The following POLR2F variants were observed in gnomAD, a reference collection of about 807,000 sequenced individuals.
POLR2F encodes DNA-directed RNA polymerases I, II, and III subunit RPABC2.
In POLR2F, 12 loss-of-function variants were observed where a neutral mutation model predicts 22.7. The ratio of observed to expected loss-of-function variants is 0.53; its 90% CI spans 0.34 to 0.86. The LOEUF is 0.86. POLR2F is among the 40% of genes least tolerant of loss of function. POLR2F has a pLI of 0.02. For missense variants in POLR2F, 126 were observed against 171.5 expected, an observed-to-expected ratio of 0.73 and a Z score of 1.48; for synonymous variants, 57 against 66.0, an observed-to-expected ratio of 0.86 and a Z score of 0.66.
At chr22:38,000,423 G>A (rs953159565) in intron 1 of POLR2F, among the ~76,000 whole-genome samples, 1 of 152,228 alleles carries the variant, frequency 6.6e-6, no homozygotes, top group African/African-American at 2.4e-5. Context: ...GGCCAAGTGG[G>A]CTGGGAAAAT....
chr22:37,973,393 C>T (rs2145760109), downstream of POLR2F: 2 of 796,904 alleles, frequency 2.5e-6, no homozygotes, highest in East Asian at 5.4e-5. Context: ...TCAGCCTCCT[C>T]AGCCTCCTCC....
intron 3 of POLR2F, among the ~76,000 whole-genome samples, chr22:37,964,144 C>G (rs1601870143): frequency 6.6e-6 from 1 of 151,968 alleles, no homozygotes; most frequent in Non-Finnish European, 1.5e-5. Context: ...CCCCAGTCCT[C>G]CAGGTGTTTT....
Position 38,041,049 on chromosome 22 carries a change from TC to T in POLR2F, c.453-16del, listed in dbSNP as rs745675273. 24 of 1,612,872 alleles carry T rather than the reference TC, an allele frequency of 1.5e-5. 1 individual carries two copies. The South Asian group carries it at 1.9e-4, about 13-fold the overall frequency. ...GTGAAGGAAGACGGCACCGTAGTTA[TC>T]CCTGTGTTATTTTCCAGGAGGCGGC... On this transcript the variant is annotated intron_variant, in intron 5 of 5. Transcript: ENST00000407936.
intron 3 of POLR2F, among the ~76,000 whole-genome samples, chr22:37,961,702 TG>T: frequency 6.6e-6 from 1 of 152,300 alleles, no homozygotes; most frequent in African/African-American, 2.4e-5. Flanking sequence ...TCAAAGAGGC[TG>T]GGCCACAGAT....
intron 1 of POLR2F, among the ~76,000 whole-genome samples, chr22:38,018,464 G>T (rs920635717): frequency 6.6e-6 from 1 of 152,074 alleles, no homozygotes; most frequent in African/African-American, 2.4e-5. Context: ...ATTTAGAATC[G>T]AGCTGAAGGA....
In POLR2F at chr22:37,978,783, T is replaced by C. The variant is rs1398414884; in HGVS notation, c.293+11613T>C. ...AGGAAGAGGTGCTTTTCTTTCTTTC[T>C]TTTTTTTTTCTGTGAGGGAATCTCA... On this transcript the variant is annotated intron_variant, in intron 4 of 4. Transcript: ENST00000405557. This position sits in a 1 kb window ranked among gnomAD's most constrained non-coding sequence, Gnocchi z 5.0. Among the ~76,000 whole-genome samples, 1 of 149,698 alleles carries C rather than the reference T, an allele frequency of 6.7e-6. No individual in the cohort carries two copies. The highest frequency in any genetic ancestry group is 6.7e-5 in the Admixed American group (1 of 14,988).
At chr22:37,956,712 T>C in intron 1 of POLR2F, 61 bp from the exon 2 acceptor site, 1 of 1,324,174 alleles carries the variant, frequency 7.6e-7, no homozygotes. Context: ...CCACCGTGCC[T>C]GGCCCCTCTT....
intron 4 of POLR2F, chr22:37,967,416 C>T: frequency 7.0e-7 from 1 of 1,434,996 alleles, no homozygotes; most frequent in Non-Finnish European, 9.1e-7. Flanking sequence ...TGCAGGAGGC[C>T]TTACCAATAT....
intron 1 of POLR2F, chr22:38,025,527 C>T (rs187749002): frequency 3.0e-4 from 434 of 1,428,236 alleles, no homozygotes; most frequent in Non-Finnish European, 3.5e-4. Flanking sequence ...ATTCCCTGAT[C>T]GTCCCCCTCG....
intron 1 of POLR2F, among the ~76,000 whole-genome samples, chr22:38,005,643 G>A (rs1462985884): frequency 6.6e-6 from 1 of 152,220 alleles, no homozygotes; most frequent in African/African-American, 2.4e-5. Flanking sequence ...CAGGAGCCAG[G>A]GTGAGGGATT....
At chr22:38,030,938 G>A (rs537652085), downstream of POLR2F, among the ~76,000 whole-genome samples, 1 of 152,146 alleles carries the variant, frequency 6.6e-6, no homozygotes, top group East Asian at 1.9e-4. Context: ...GGGAAAGGCA[G>A]GGTCTGTGAA....
rs962702149 is a variant in POLR2F at position 37,980,038 on chromosome 22, C to T, written c.293+12868C>T. Among the ~76,000 whole-genome samples, 1 of 152,190 alleles carries T rather than the reference C, an allele frequency of 6.6e-6. No individual in the cohort carries two copies. Among genetic ancestry groups the T allele is most frequent in the African/African-American group, 2.4e-5 (1 of 41,444 alleles). ...AGCATTCCTCTGCGGCTTAGCCTCC[C>T]TGTCTACTCCCCCCACCCCGGCCCT... On this transcript the variant is annotated intron_variant, in intron 4 of 4. Coordinates refer to the POLR2F transcript ENST00000405557. This position sits in a 1 kb window ranked among gnomAD's most constrained non-coding sequence, Gnocchi z 4.1.
At chr22:37,976,579 C>T (rs1273380903) in intron 4 of POLR2F, among the ~76,000 whole-genome samples, 2 of 152,168 alleles carry the variant, frequency 1.3e-5, no homozygotes, top group African/African-American at 4.8e-5. Context: ...ACTTTCTGTA[C>T]ATTAGGAACA....
In POLR2F at chr22:38,016,406, C is replaced by T. The variant is rs994356291; in HGVS notation, c.121-9463C>T. 2.0e-5 allele frequency among the ~76,000 whole-genome samples: 3 copies of T among 152,230 alleles called. No individual in the cohort carries two copies. The highest frequency in any genetic ancestry group is 4.4e-5 in the Non-Finnish European group (3 of 68,046). On this transcript the variant is annotated intron_variant, in intron 1 of 2. Transcript: ENST00000333418. The surrounding 1 kb of genome is among the most constrained non-coding windows in gnomAD (Gnocchi z 4.4). Reference sequence around the variant, plus strand: ...TCCAGGAAGTGCTGCGCTTGACACACGCCCCCATCCGCCACCTCCCAGAGA... The same window carrying T: ...TCCAGGAAGTGCTGCGCTTGACACATGCCCCCATCCGCCACCTCCCAGAGA...
intron 1 of POLR2F, among the ~76,000 whole-genome samples, chr22:38,021,902 G>A (rs2084963018): frequency 6.6e-6 from 1 of 150,794 alleles, no homozygotes; most frequent in Non-Finnish European, 1.5e-5. Context: ...GGCCCAAGGC[G>A]GGCAGATCAC....
chr22:37,988,330 C>CAAAAAAA (rs990207951), intron 1 of POLR2F: 1 of 55,112 alleles, frequency 1.8e-5, no homozygotes, highest in Non-Finnish European at 3.7e-5. Flanking sequence ...AACTCTGTCT[C>CAAAAAAA]AAAAAAAAAA....
intron 1 of POLR2F, among the ~76,000 whole-genome samples, chr22:37,990,239 C>T (rs1932696322): frequency 6.6e-6 from 1 of 152,234 alleles, no homozygotes; most frequent in Non-Finnish European, 1.5e-5. Context: ...CCTGTCCCAA[C>T]AGGGGCTCTT....
rs1428703324 is a variant in POLR2F, at chr22:37,959,445, C to T, written c.190C>T (p.Arg64Cys). Residue 64 changes from arginine (R) to cysteine (C), a missense_variant, in exon 3 of 5, where the codon CGC becomes TGC. Arg to Cys is a radical substitution (Grantham distance 180). Coordinates refer to ENST00000442738, the MANE Select transcript of POLR2F (RefSeq NM_021974.5). ...ATACATGACCAAGTACGAGCGAGCC[C>T]GCGTGCTGGGCACCCGAGCGCTCCA... ...TPYMTKYERA[R>C]VLGTRALQIA... 5.6e-6 allele frequency: 9 copies of T among 1,613,910 alleles called. No individual in the cohort carries two copies. The highest frequency in any genetic ancestry group is 3.3e-5 in the Admixed American group (2 of 59,994).
upstream of POLR2F, chr22:37,953,683 G>C: frequency 7.2e-7 from 1 of 1,392,868 alleles, no homozygotes; most frequent in South Asian, 1.3e-5. Flanking sequence ...TCTGGGTTAC[G>C]GCGCAGGCGC....
Sources: gnomAD v4.1 joint callset for allele counts (sites outside exome capture counted in the v4.1 genomes callset) on GRCh38, gnomAD v4.1.1 for gene constraint, Gnocchi (gnomAD v3.1) non-coding constraint, MANE v1.5 for transcripts, NCBI Gene and HGNC (gene_info 2026-07-23, HGNC 2026-07-21) for gene names.